ADCY5: variants seen among roughly 807,000 people sequenced by gnomAD.
ADCY5 encodes adenylate cyclase type 5.
A neutral mutation model predicts 119.7 loss-of-function variants in ADCY5; 30 were observed. The observed-to-expected ratio is 0.25, with a 90% CI of 0.19 to 0.34. The LOEUF is 0.34. Among genes scored for constraint, ADCY5 ranks in the 10% least tolerant of loss-of-function variants. The pLI is 1.00. For synonymous variants in ADCY5, 753 were observed against 762.2 expected, an observed-to-expected ratio of 0.99 and a Z score of 0.20; for missense variants, 1,324 against 1,775.2, an observed-to-expected ratio of 0.75 and a Z score of 4.57.
At chr3:123,380,512 G>A (rs1943996778) in intron 1 of ADCY5, among the ~76,000 whole-genome samples, 1 of 152,232 alleles carries the variant, frequency 6.6e-6, no homozygotes, top group African/African-American at 2.4e-5. Context: ...AAGTCAGGAT[G>A]CCCGGCAGGG....
intron 12 of ADCY5, among the ~76,000 whole-genome samples, chr3:123,311,771 T>C (rs1245835092): frequency 6.6e-6 from 1 of 152,106 alleles, no homozygotes; most frequent in Non-Finnish European, 1.5e-5. Flanking sequence ...GCAGGCTCCC[T>C]GGCTGGATGG....
chr3:123,325,385 C>A lies in ADCY5; in HGVS notation c.2025G>T (p.Gly675=). Reference sequence around the variant, plus strand: ...GGTGGTTGTAGAAGGGGCGCTCAGCCCCCCAGTGTGGTGGGTTGTGCCCGA... The same window carrying A: ...GGTGGTTGTAGAAGGGGCGCTCAGCACCCCAGTGTGGTGGGTTGTGCCCGA... ...NSIGHNPPHW[G]AERPFYNHLG... is the part of the protein sequence containing the mutation. Residue 675 remains glycine, a synonymous_variant, in exon 8 of 21, where the codon GGG becomes GGT. Transcript: ENST00000462833. 1 of 1,614,178 alleles carries A rather than the reference C, an allele frequency of 6.2e-7. No homozygotes were observed. Among genetic ancestry groups the A allele is most frequent in the Non-Finnish European group, 8.5e-7 (1 of 1,180,026 alleles).
In ADCY5 at chr3:123,344,323, C is replaced by T. The variant is rs118091999; in HGVS notation, c.1406+3459G>A. 4.1e-4 allele frequency among the ~76,000 whole-genome samples: 62 copies of T among 152,300 alleles called. 1 individual carries two copies. In the East Asian group the frequency reaches 0.012, roughly 28 times the overall value. On this transcript the variant is annotated intron_variant, in intron 3 of 20. Coordinates refer to ENST00000462833, the MANE Select transcript of ADCY5 (RefSeq NM_183357.3). Reference sequence around the variant, plus strand: ...AATGTGACTCATCACCCTCCATTCGCCAACTAGAGAATCCCCAGGCCTTTC... The same window carrying T: ...AATGTGACTCATCACCCTCCATTCGTCAACTAGAGAATCCCCAGGCCTTTC...
intron 1 of ADCY5, among the ~76,000 whole-genome samples, chr3:123,443,848 C>T (rs1945765789): frequency 6.6e-6 from 1 of 152,116 alleles, no homozygotes; most frequent in African/African-American, 2.4e-5. Context: ...TAATAATACC[C>T]CATATTTGAA....
At chr3:123,360,562 T>A (rs1943214288) in intron 1 of ADCY5, among the ~76,000 whole-genome samples, 1 of 152,180 alleles carries the variant, frequency 6.6e-6, no homozygotes, top group Admixed American at 6.5e-5. Flanking sequence ...CTGGCATTAA[T>A]GCCCTCTAAG....
chr3:123,374,694 G>T (rs2124499), intron 1 of ADCY5, among the ~76,000 whole-genome samples: 4 of 152,000 alleles, frequency 2.6e-5, no homozygotes, highest in East Asian at 3.9e-4. Context: ...TTGGCAAAAG[G>T]GGGGCAGCAG....
At chr3:123,441,912 A>G (rs1945729542) in intron 1 of ADCY5, among the ~76,000 whole-genome samples, 1 of 151,252 alleles carries the variant, frequency 6.6e-6, no homozygotes, top group South Asian at 2.1e-4. Context: ...AGAAACCCCC[A>G]GATTTTCTTC....
chr3:123,296,968 T>G (rs1460856635), intron 16 of ADCY5: 4 of 1,535,100 alleles, frequency 2.6e-6, no homozygotes, highest in Non-Finnish European at 2.6e-6. Flanking sequence ...CCACAAGCAC[T>G]GCAGCCCTCG....
chr3:123,294,719 C>T (rs1019063764), intron 17 of ADCY5, among the ~76,000 whole-genome samples: 5 of 152,282 alleles, frequency 3.3e-5, no homozygotes, highest in Middle Eastern at 3.4e-3. Context: ...TCGGGACAGT[C>T]GGCAACACTG....
intron 1 of ADCY5, among the ~76,000 whole-genome samples, chr3:123,355,790 A>G (rs1943018344): frequency 1.3e-5 from 2 of 152,218 alleles, no homozygotes; most frequent in African/African-American, 2.4e-5. Flanking sequence ...TCTGATGTCA[A>G]TTTTCCCCAA....
chr3:123,387,548 T>C (rs1009129945), intron 1 of ADCY5, among the ~76,000 whole-genome samples: 5 of 151,904 alleles, frequency 3.3e-5, no homozygotes, highest in African/African-American at 1.2e-4. Flanking sequence ...AAAATACAAA[T>C]CTACAAGGCC....
chr3:123,379,368 G>A (rs553622810), intron 1 of ADCY5, among the ~76,000 whole-genome samples: 2 of 152,170 alleles, frequency 1.3e-5, no homozygotes, highest in African/African-American at 4.8e-5. Context: ...TGGGGAAGTG[G>A]GGGAGCATGA....
In ADCY5 at chr3:123,289,869, G is replaced by A; in HGVS notation, c.3413C>T (p.Ser1138Phe). The A allele has an allele frequency of 6.2e-7, 1 of 1,614,244 alleles. No individual in the cohort carries two copies. The part of the protein sequence containing the change: ...TYMAASGLND[S>F]TYDKVGKTHI... The stretch of plus-strand genomic sequence containing the variant: ...GGTCTTGCCCACCTTGTCGTAGGTA[G>A]AGTCGTTGAGGCCGGAGGCAGCCAT... The change falls in exon 19 of 21, where the codon TCT (serine) becomes TTT (phenylalanine). Residue 1138 changes from serine (S) to phenylalanine (F), a missense_variant. Transcript: ENST00000462833.
chr3:123,364,603 G>A (rs1303669761), intron 1 of ADCY5, among the ~76,000 whole-genome samples: 3 of 151,966 alleles, frequency 2.0e-5, no homozygotes, highest in African/African-American at 7.3e-5. Context: ...GAGACAAGGG[G>A]GTTCATGGCC....
At chr3:123,374,249 G>C (rs1230187566) in intron 1 of ADCY5, among the ~76,000 whole-genome samples, 1 of 152,172 alleles carries the variant, frequency 6.6e-6, no homozygotes. Flanking sequence ...GGGCAGTGAA[G>C]AGGCCACCAT....
rs764076808 is a variant in ADCY5, at chr3:123,296,156, A to G, written c.2991T>C (p.Phe997=). 1.2e-6 allele frequency: 2 copies of G among 1,614,008 alleles called. No homozygotes were observed. Among genetic ancestry groups the G allele is most frequent in the Non-Finnish European group, 1.7e-6 (2 of 1,179,986 alleles). Residue 997 remains phenylalanine (F), a synonymous_variant, in exon 17 of 21, where the codon TTT becomes TTC. Transcript: ENST00000462833. The part of the protein sequence containing the change: ...KVVTPIIISV[F]VLALYLHAQQ... ...GGGCGTGCAGGTACAGGGCCAGCACAAAGACTGAGATGATGATGGGCGTCA... is the reference window on the plus strand; with the variant it reads ...GGGCGTGCAGGTACAGGGCCAGCACGAAGACTGAGATGATGATGGGCGTCA...
rs1945882933 is a variant in ADCY5 at position 123,449,000 on chromosome 3, CGGGGCTCGGCGGCGGCGAGG to C, written c.-475_-456del. ...CGCCTAAGCGGAGCCCAGCTGCTCT[CGGGGCTCGGCGGCGGCGAGG>C]GCGGCTCGGCGGGGGTCCCGGCGAA... On this transcript the variant is annotated 5_prime_UTR_variant, in exon 1 of 21. Transcript: ENST00000462833. The C allele has an allele frequency of 6.4e-6, 1 of 157,304 alleles. No individual in the cohort carries two copies. The highest frequency in any genetic ancestry group is 1.9e-4 in the South Asian group (1 of 5,276). 9.7% of individuals were successfully genotyped at this position (157,304 alleles called of 1,614,324 possible). A position where few individuals can be genotyped will look rare whatever the true frequency, so the allele number is the denominator to read the frequency against.
intron 7 of ADCY5, 140 bp from the exon 8 acceptor site, chr3:123,325,602 TCG>T: frequency 8.9e-7 from 1 of 1,122,770 alleles, no homozygotes; most frequent in Non-Finnish European, 1.3e-6. Context: ...GAGCCAGAGC[TCG>T]GCCCAGATCC....
chr3:123,331,042 T>C, intron 4 of ADCY5, 26 bp from the exon 5 acceptor site: 1 of 1,595,928 alleles, frequency 6.3e-7, no homozygotes, highest in Non-Finnish European at 8.6e-7. Context: ...ATTTTACAAA[T>C]TAAAAATAGT....
Sources: allele counts gnomAD v4.1 joint callset (sites outside exome capture counted in the v4.1 genomes callset), GRCh38; gene constraint gnomAD v4.1.1; transcripts MANE v1.5; gene names NCBI Gene and HGNC (gene_info 2026-07-23, HGNC 2026-07-21).